The following MAN1A1 variants were observed in gnomAD, a reference collection of about 807,000 sequenced individuals.
MAN1A1 encodes the protein mannosyl-oligosaccharide 1,2-alpha-mannosidase IA.
In MAN1A1, 29 loss-of-function variants were observed where a neutral mutation model predicts 70.8. That is an observed-to-expected ratio of 0.41 (90% CI 0.31 to 0.56). The LOEUF (loss-of-function observed/expected upper bound fraction) is 0.56, where lower values mean the gene tolerates loss of function less well. Ranked by LOEUF, MAN1A1 falls within the 20% of genes least tolerant of loss-of-function variation. The pLI, the probability that MAN1A1 is intolerant of heterozygous loss-of-function variation, is 0.29. For missense variants in MAN1A1, 747 were observed against 841.3 expected (o/e 0.89, Z 1.39); for synonymous variants, 349 against 330.1 (o/e 1.06, Z -0.62).
At chr6:119,190,227 A>G (rs1308886044) in intron 9 of MAN1A1, among the ~76,000 whole-genome samples, 1 of 152,180 alleles carries the variant, frequency 6.6e-6, no homozygotes, top group African/African-American at 2.4e-5. Flanking sequence ...TTTCATTTCC[A>G]TAAGTGGTGA....
At chr6:119,190,134 A>T (rs1773403425) in intron 9 of MAN1A1, among the ~76,000 whole-genome samples, 1 of 152,184 alleles carries the variant, frequency 6.6e-6, no homozygotes, top group Non-Finnish European at 1.5e-5. Flanking sequence ...TCTGTGACCA[A>T]ACATTGTATT....
intron 9 of MAN1A1, among the ~76,000 whole-genome samples, chr6:119,191,732 T>C (rs1256394827): frequency 6.6e-6 from 1 of 152,188 alleles, no homozygotes; most frequent in Non-Finnish European, 1.5e-5. Context: ...AAATATTTTG[T>C]TATTAAAATA....
chr6:119,290,893 G>A (rs1358388108), intron 4 of MAN1A1, 130 bp from the exon 5 acceptor site: 5 of 596,106 alleles, frequency 8.4e-6, no homozygotes, highest in African/African-American at 7.6e-5. Flanking sequence ...TATACAGGGG[G>A]AAATGTTCTC....
intron 4 of MAN1A1, among the ~76,000 whole-genome samples, chr6:119,291,111 A>C (rs1229757722): frequency 6.6e-6 from 1 of 151,986 alleles, no homozygotes; most frequent in Non-Finnish European, 1.5e-5. Context: ...TGTGGGATGG[A>C]CCCGGTGGGA....
chr6:119,324,749 A>AT (rs1185841365), intron 2 of MAN1A1, among the ~76,000 whole-genome samples: 1 of 152,190 alleles, frequency 6.6e-6, no homozygotes, highest in African/African-American at 2.4e-5. Context: ...GTCACTCATG[A>AT]TACATGAATA....
chr6:119,207,376 C>T (rs1773894469), intron 6 of MAN1A1, among the ~76,000 whole-genome samples: 1 of 152,150 alleles, frequency 6.6e-6, no homozygotes, highest in South Asian at 2.1e-4. Flanking sequence ...GGTTACCATT[C>T]ATTCAGTCTG....
At chr6:119,274,014 T>A (rs1015224595) in intron 5 of MAN1A1, among the ~76,000 whole-genome samples, 2 of 152,172 alleles carry the variant, frequency 1.3e-5, no homozygotes, top group African/African-American at 4.8e-5. Flanking sequence ...TTATGAGTAA[T>A]AATTAAACTC....
At chr6:119,223,543 C>T (rs2114262076) in intron 6 of MAN1A1, among the ~76,000 whole-genome samples, 1 of 152,014 alleles carries the variant, frequency 6.6e-6, no homozygotes, top group Middle Eastern at 3.4e-3. Context: ...GAAATTTGCC[C>T]TAAAAATTAT....
At chr6:119,277,379 G>A (rs888132963) in intron 5 of MAN1A1, among the ~76,000 whole-genome samples, 2 of 152,120 alleles carry the variant, frequency 1.3e-5, no homozygotes, top group Non-Finnish European at 2.9e-5. Flanking sequence ...ACATCATAAA[G>A]TGATATCACA....
At chr6:119,214,383 G>A (rs1267427332) in intron 6 of MAN1A1, among the ~76,000 whole-genome samples, 1 of 152,072 alleles carries the variant, frequency 6.6e-6, no homozygotes, top group African/African-American at 2.4e-5. Flanking sequence ...CAAAGTAACT[G>A]GCTGATAGTA....
intron 6 of MAN1A1, among the ~76,000 whole-genome samples, chr6:119,242,134 G>GACAGACACACACACACACAC (rs1554207759): frequency 4.7e-5 from 7 of 150,526 alleles, no homozygotes; most frequent in African/African-American, 1.5e-4. Context: ...CAGACAGACA[G>GACAGACACACACACACACAC]ACACACACAC....
intron 6 of MAN1A1, among the ~76,000 whole-genome samples, chr6:119,217,947 G>C (rs1327246456): frequency 6.6e-6 from 1 of 152,114 alleles, no homozygotes; most frequent in Non-Finnish European, 1.5e-5. Context: ...CACTTTTCTA[G>C]GATAATTTTT....
At chr6:119,242,069 T>C (rs990825612) in intron 6 of MAN1A1, among the ~76,000 whole-genome samples, 2 of 151,648 alleles carry the variant, frequency 1.3e-5, no homozygotes, top group Admixed American at 6.6e-5. Context: ...AGTCAGACCC[T>C]TAGCAGAACA....
rs907240398 is a variant in MAN1A1, at chr6:119,177,646, C to T, written c.*2173G>A. ...AATTACATCACTACAATATTAATCT[C>T]TTATCTTGTTTACATTTTTGGTGTT... On this transcript the variant is annotated 3_prime_UTR_variant, in exon 13 of 13. Coordinates refer to ENST00000368468, the MANE Select transcript of MAN1A1 (RefSeq NM_005907.4). 9.9e-5 allele frequency: 15 copies of T among 151,936 alleles called. No homozygotes were observed. The highest frequency in any genetic ancestry group is 1.6e-4 in the Non-Finnish European group (11 of 67,884). 9.4% of individuals were successfully genotyped at this position (151,936 alleles called of 1,614,324 possible). A position where few individuals can be genotyped will look rare whatever the true frequency, so the allele number is the denominator to read the frequency against.
intron 6 of MAN1A1, among the ~76,000 whole-genome samples, chr6:119,221,938 A>G (rs1019917517): frequency 6.6e-6 from 1 of 152,196 alleles, no homozygotes; most frequent in African/African-American, 2.4e-5. Flanking sequence ...TTCTTTCTCC[A>G]TATTAATATA....
intron 11 of MAN1A1, among the ~76,000 whole-genome samples, chr6:119,183,482 T>C (rs1296191687): frequency 6.6e-6 from 1 of 151,734 alleles, no homozygotes; most frequent in Non-Finnish European, 1.5e-5. Flanking sequence ...AGGAAAAAAA[T>C]CAGAATTTAG....
intron 5 of MAN1A1, among the ~76,000 whole-genome samples, chr6:119,250,677 C>A (rs199913243): frequency 8.6e-6 from 1 of 116,846 alleles, no homozygotes; most frequent in Admixed American, 8.2e-5. Context: ...TGTGTGTGTG[C>A]GTGTCAGTTA....
At chr6:119,253,520 G>A (rs1208889842) in intron 5 of MAN1A1, among the ~76,000 whole-genome samples, 1 of 152,120 alleles carries the variant, frequency 6.6e-6, no homozygotes, top group African/African-American at 2.4e-5. Flanking sequence ...CAAGCATCGC[G>A]ACAACTTTTT....
chr6:119,242,391 A>T (rs1417978762), intron 6 of MAN1A1, among the ~76,000 whole-genome samples: 1 of 152,132 alleles, frequency 6.6e-6, no homozygotes, highest in African/African-American at 2.4e-5. Flanking sequence ...CCACTATCCT[A>T]CATAAACCAC....
Sources: gnomAD v4.1 joint callset for allele counts (sites outside exome capture counted in the v4.1 genomes callset) on GRCh38, gnomAD v4.1.1 for gene constraint, MANE v1.5 for transcripts, NCBI Gene and HGNC (gene_info 2026-07-23, HGNC 2026-07-21) for gene names.